The following TENM4 variants were observed in gnomAD, a reference collection of about 807,000 sequenced individuals.
TENM4 encodes teneurin transmembrane protein 4.
Under a neutral mutation model 243.3 loss-of-function variants are expected in TENM4, and 82 were observed. The ratio of observed to expected loss-of-function variants is 0.34; its 90% CI spans 0.28 to 0.40. The LOEUF (loss-of-function observed/expected upper bound fraction) is 0.40. Ranked by LOEUF, TENM4 falls within the 10% of genes least tolerant of loss-of-function variation. TENM4 has a pLI of 1.00. For missense variants in TENM4, 3,138 were observed against 3,673.3 expected, an observed-to-expected ratio of 0.85 and a Z score of 3.77; for synonymous variants, 1,412 against 1,456.3, an observed-to-expected ratio of 0.97 and a Z score of 0.69.
At chr11:79,215,430 C>A (rs1009690811) in intron 3 of TENM4, among the ~76,000 whole-genome samples, 1 of 151,858 alleles carries the variant, frequency 6.6e-6, no homozygotes, top group Non-Finnish European at 1.5e-5. Context: ...GGGCCCTGCA[C>A]CCTGGTCTCC....
chr11:78,749,504 G>C (rs56138839), intron 19 of TENM4, among the ~76,000 whole-genome samples: 2 of 152,056 alleles, frequency 1.3e-5, no homozygotes, highest in Non-Finnish European at 2.9e-5. Flanking sequence ...GATCTCTGCT[G>C]CTCGCCCTCT....
At chr11:79,388,823 G>T (rs1858170254) in intron 1 of TENM4, among the ~76,000 whole-genome samples, 1 of 152,192 alleles carries the variant, frequency 6.6e-6, no homozygotes, top group African/African-American at 2.4e-5. Context: ...CTCCAAAACT[G>T]GAGAGGAGAG....
At chr11:79,424,657 T>C (rs11237829) in intron 1 of TENM4, among the ~76,000 whole-genome samples, 34,279 of 149,774 alleles carry the variant, frequency 0.23, 4,043 homozygotes, top group East Asian at 0.36. Flanking sequence ...ACAAAAAGGC[T>C]GGCACAGAGG....
chr11:79,234,383 G>A (rs1465873514), intron 2 of TENM4, among the ~76,000 whole-genome samples: 1 of 152,212 alleles, frequency 6.6e-6, no homozygotes, highest in African/African-American at 2.4e-5. Context: ...ATATTGGCAT[G>A]CATTCCCTGT....
At chr11:78,831,882 C>T (rs1016034101) in intron 12 of TENM4, among the ~76,000 whole-genome samples, 11 of 152,294 alleles carry the variant, frequency 7.2e-5, no homozygotes, top group Non-Finnish European at 1.3e-4. Context: ...GCTCTGACTC[C>T]CTCCAGAAAG....
chr11:79,213,229 A>G (rs1304131271), intron 3 of TENM4, among the ~76,000 whole-genome samples: 1 of 152,158 alleles, frequency 6.6e-6, no homozygotes, highest in Non-Finnish European at 1.5e-5. Flanking sequence ...GTAGCATGTA[A>G]GCAAGTCACA....
chr11:78,835,770 AC>A (rs1260632083), intron 12 of TENM4, among the ~76,000 whole-genome samples: 1 of 151,966 alleles, frequency 6.6e-6, no homozygotes, highest in Non-Finnish European at 1.5e-5. Flanking sequence ...TTAGGTTAGC[AC>A]CCCTTGTTGG....
chr11:79,196,560 C>T (rs955502686), intron 3 of TENM4, among the ~76,000 whole-genome samples: 2 of 152,056 alleles, frequency 1.3e-5, no homozygotes, highest in Admixed American at 1.3e-4. Context: ...AGGAGTCAGC[C>T]CCCGGCTGGT....
At chr11:79,170,875 A>G (rs1863025370) in intron 3 of TENM4, among the ~76,000 whole-genome samples, 11 of 152,182 alleles carry the variant, frequency 7.2e-5, no homozygotes, top group Admixed American at 6.5e-4. Flanking sequence ...AGAGGATTGT[A>G]TACATTTCCT....
At chr11:78,932,922 G>A (rs920215959) in intron 6 of TENM4, among the ~76,000 whole-genome samples, 3 of 152,154 alleles carry the variant, frequency 2.0e-5, no homozygotes, top group Non-Finnish European at 2.9e-5. Flanking sequence ...TTCCTAACAG[G>A]CCACGGTCCG....
chr11:78,852,645 T>C (rs990526889), intron 12 of TENM4, among the ~76,000 whole-genome samples: 7 of 152,098 alleles, frequency 4.6e-5, no homozygotes, highest in Admixed American at 4.6e-4. Context: ...ATTGAGTCAC[T>C]GCACTCCGGC....
In TENM4 at chr11:79,313,994, C is replaced by T. The variant is rs548393205; in HGVS notation, c.-320-16451G>A. Reference sequence around the variant, plus strand: ...GCAGCCCAAGCCTTTCTTCTAAACCCGTCATTCATCTCCCTGTTGAGCTCT... The same window carrying T: ...GCAGCCCAAGCCTTTCTTCTAAACCTGTCATTCATCTCCCTGTTGAGCTCT... On this transcript the variant is annotated intron_variant, in intron 1 of 33. Coordinates refer to ENST00000278550, the MANE Select transcript of TENM4 (RefSeq NM_001098816.3). Among the ~76,000 whole-genome samples the T allele has an allele frequency of 9.2e-5, 14 of 152,300 alleles. No individual in the cohort carries two copies. In the South Asian group the frequency reaches 1.5e-3, roughly 16 times the overall value.
intron 4 of TENM4, among the ~76,000 whole-genome samples, chr11:79,117,556 T>A (rs1037684089): frequency 1.3e-5 from 2 of 152,132 alleles, no homozygotes; most frequent in Non-Finnish European, 2.9e-5. Context: ...AGCCTCCACT[T>A]CCCCTAAGGA....
chr11:78,842,909 C>A (rs886460160), intron 12 of TENM4, among the ~76,000 whole-genome samples: 1 of 152,224 alleles, frequency 6.6e-6, no homozygotes, highest in African/African-American at 2.4e-5. Flanking sequence ...TGTGATGGCT[C>A]ATGCCTGTAA....
intron 1 of TENM4, among the ~76,000 whole-genome samples, chr11:79,413,342 G>A (rs1858741942): frequency 6.6e-6 from 1 of 152,042 alleles, no homozygotes; most frequent in Non-Finnish European, 1.5e-5. Context: ...TAAGAAGCTG[G>A]CTGTGGACTG....
chr11:79,274,626 A>G (rs2135351128), intron 2 of TENM4, among the ~76,000 whole-genome samples: 1 of 152,298 alleles, frequency 6.6e-6, no homozygotes, highest in South Asian at 2.1e-4. Flanking sequence ...GTGAAACCCC[A>G]GCATTGGGCA....
intron 4 of TENM4, among the ~76,000 whole-genome samples, chr11:79,090,817 T>C (rs1350505486): frequency 1.3e-5 from 2 of 152,214 alleles, no homozygotes; most frequent in Non-Finnish European, 2.9e-5. Context: ...GACGTCCCTG[T>C]GTTGGGCATG....
At chr11:79,293,664 G>A (rs1176287891) in intron 2 of TENM4, among the ~76,000 whole-genome samples, 5 of 152,132 alleles carry the variant, frequency 3.3e-5, no homozygotes, top group Admixed American at 6.6e-5. Context: ...AAATGCATGC[G>A]AGATGGCTAT....
chr11:78,784,349 C>T (rs1856893524), intron 16 of TENM4, among the ~76,000 whole-genome samples: 2 of 152,184 alleles, frequency 1.3e-5, no homozygotes, highest in Admixed American at 1.3e-4. Flanking sequence ...CATTGTTTCT[C>T]TACTTTGCCT....
Sources: gnomAD v4.1 joint callset for allele counts (sites outside exome capture counted in the v4.1 genomes callset) on GRCh38, gnomAD v4.1.1 for gene constraint, MANE v1.5 for transcripts, NCBI Gene and HGNC (gene_info 2026-07-23, HGNC 2026-07-21) for gene names.